The following ATP9B variants were observed in gnomAD, a reference collection of about 807,000 sequenced individuals.
ATP9B encodes the protein ATPase phospholipid transporting 9B, also known as probable phospholipid-transporting ATPase IIB.
In ATP9B, 110 loss-of-function variants were observed where a neutral mutation model predicts 146.1. The ratio of observed to expected loss-of-function variants is 0.75; its 90% confidence interval spans 0.65 to 0.88. The LOEUF (loss-of-function observed/expected upper bound fraction) is 0.88, where lower values mean the gene tolerates loss of function less well. Ranked by LOEUF, ATP9B falls within the 40% of genes least tolerant of loss-of-function variation. The pLI, the probability that ATP9B is intolerant of heterozygous loss-of-function variation, is 0.00. For missense variants in ATP9B, 1,499 were observed against 1,496.4 expected, an observed-to-expected ratio of 1.00 and a Z score of -0.03; for synonymous variants, 604 against 569.7, an observed-to-expected ratio of 1.06 and a Z score of -0.86.
chr18:79,145,064 GCAAGCTGCATGT>G (rs2094563018), intron 6 of ATP9B: 4 of 185,520 alleles, frequency 2.2e-5, no homozygotes, highest in Non-Finnish European at 3.3e-5. Flanking sequence ...GACTGAAGGT[GCAAGCTGCATGT>G]CGGAGCTGGC....
chr18:79,362,174 G>A (rs2096993719), intron 26 of ATP9B: 1 of 152,224 alleles, frequency 6.6e-6, no homozygotes, highest in African/African-American at 2.4e-5. Flanking sequence ...CAATTGGAAA[G>A]AAAATCTCCT....
intron 4 of ATP9B, among the ~76,000 whole-genome samples, chr18:79,114,822 T>G (rs968719209): frequency 2.0e-5 from 3 of 152,280 alleles, no homozygotes; most frequent in Non-Finnish European, 4.4e-5. Context: ...TGCATGCCTG[T>G]GTTGCCTTTT....
intron 5 of ATP9B, among the ~76,000 whole-genome samples, chr18:79,130,316 G>T (rs550777345): frequency 6.6e-6 from 1 of 151,980 alleles, no homozygotes; most frequent in Non-Finnish European, 1.5e-5. Context: ...TAAGTGAAAA[G>T]AACACTCACT....
At position 79,176,841 on chromosome 18, in the gene ATP9B, A is replaced by G. The variant is rs781750341; in HGVS notation, c.807A>G (p.Leu269=). 7 of 1,614,116 alleles carry G rather than the reference A, an allele frequency of 4.3e-6. No homozygotes were observed. The highest frequency in any genetic ancestry group is 1.3e-5 in the African/African-American group (1 of 75,032). The change falls in exon 8 of 30, where the codon CTA becomes CTG. Residue 269 remains leucine (L), a synonymous_variant. Transcript: ENST00000426216. ...CGTGTTTTATTCGAACTGATCAACTAGATGGTGAAACTGACTGGAAGCTGA... is the reference window on the plus strand; with the variant it reads ...CGTGTTTTATTCGAACTGATCAACTGGATGGTGAAACTGACTGGAAGCTGA... ...AGSCFIRTDQ[L]DGETDWKLKV...
intron 8 of ATP9B, among the ~76,000 whole-genome samples, chr18:79,192,192 A>C (rs1353555417): frequency 3.9e-5 from 6 of 151,930 alleles, no homozygotes; most frequent in Non-Finnish European, 8.8e-5. Flanking sequence ...GGTCACCCTA[A>C]TCTCTCACCT....
intron 9 of ATP9B, among the ~76,000 whole-genome samples, chr18:79,199,550 A>C (rs1397003442): frequency 6.6e-6 from 1 of 151,598 alleles, no homozygotes; most frequent in Non-Finnish European, 1.5e-5. Context: ...TCACGAGGTC[A>C]AGAGATTGAG....
At position 79,305,580 on chromosome 18, in the gene ATP9B, C is replaced by T. The variant is rs144811493; in HGVS notation, c.1525-1406C>T. Among the ~76,000 whole-genome samples the T allele has an allele frequency of 5.1e-3, 770 of 151,876 alleles. 8 individuals are homozygous for T. Among genetic ancestry groups the T allele is most frequent in the African/African-American group, 0.018 (733 of 41,356 alleles). Reference sequence around the variant, plus strand: ...AATCTATTTCTGCGTTGAAATAGTACCAGATGAGCTCTGCTTTTTAAAAAA... The same window carrying T: ...AATCTATTTCTGCGTTGAAATAGTATCAGATGAGCTCTGCTTTTTAAAAAA... On this transcript the variant is annotated intron_variant, in intron 14 of 29. Transcript: ENST00000426216.
At chr18:79,250,589 A>C (rs563214007) in intron 11 of ATP9B, among the ~76,000 whole-genome samples, 1 of 152,330 alleles carries the variant, frequency 6.6e-6, no homozygotes, top group South Asian at 2.1e-4. Context: ...TTTTAATCCA[A>C]AAACCTATTT....
chr18:79,107,332 C>G (rs1487055263), intron 2 of ATP9B, among the ~76,000 whole-genome samples: 2 of 152,162 alleles, frequency 1.3e-5, no homozygotes, highest in East Asian at 1.9e-4. Flanking sequence ...GACTGAGGAA[C>G]TGGATGGTAA....
Position 79,180,674 on chromosome 18 carries a change from C to T in ATP9B, c.873+3767C>T, listed in dbSNP as rs146124140. Among the ~76,000 whole-genome samples the T allele has an allele frequency of 1.9e-3, 294 of 152,282 alleles. 1 individual carries two copies. Among genetic ancestry groups the T allele is most frequent in the African/African-American group, 6.8e-3 (282 of 41,566 alleles). Reference sequence around the variant, plus strand: ...CTTTCCTGTGTGTTGATCCAGGTTTCCATTTACTGCCAATTTCCTTTAGCC... The same window carrying T: ...CTTTCCTGTGTGTTGATCCAGGTTTTCATTTACTGCCAATTTCCTTTAGCC... On this transcript the variant is annotated intron_variant, in intron 8 of 29. Coordinates refer to ENST00000426216, the MANE Select transcript of ATP9B (RefSeq NM_198531.5).
At chr18:79,172,441 G>A (rs8084984) in intron 7 of ATP9B, among the ~76,000 whole-genome samples, 1 of 69,798 alleles carries the variant, frequency 1.4e-5, no homozygotes, top group Admixed American at 1.2e-4. Flanking sequence ...GATTACAGGC[G>A]TAGCCACCGT....
intron 27 of ATP9B, among the ~76,000 whole-genome samples, chr18:79,373,398 T>G (rs1340409161): frequency 6.6e-6 from 1 of 152,168 alleles, no homozygotes. Context: ...CATTTCTAAC[T>G]GATGTAGCTA....
Position 79,303,722 on chromosome 18 carries a change from T to C in ATP9B, c.1524+6T>C. On this transcript the variant is annotated splice_donor_region_variant and intron_variant, in intron 14 of 29. Coordinates refer to ENST00000426216, the MANE Select transcript of ATP9B (RefSeq NM_198531.5). The stretch of plus-strand genomic sequence containing the variant: ...TCAGGGACTCCTACTCACAGGTAAG[T>C]GGGTTCCTCCTGCACGGGGTCTGCT... 1 of 1,610,210 alleles carries C rather than the reference T, an allele frequency of 6.2e-7. No homozygotes were observed. Among genetic ancestry groups the C allele is most frequent in the Non-Finnish European group, 8.5e-7 (1 of 1,177,056 alleles).
At chr18:79,337,820 G>A (rs542058301) in intron 19 of ATP9B, among the ~76,000 whole-genome samples, 4 of 152,308 alleles carry the variant, frequency 2.6e-5, no homozygotes, top group South Asian at 2.1e-4. Flanking sequence ...GGCCACCGCC[G>A]GCCAGATGTC....
chr18:79,201,061 G>C (rs1399316124), intron 9 of ATP9B, among the ~76,000 whole-genome samples: 2 of 152,178 alleles, frequency 1.3e-5, no homozygotes, highest in African/African-American at 2.4e-5. Context: ...CTTGTGGGAG[G>C]CTGTGCCACT....
chr18:79,284,102 G>A (rs1367898008), intron 13 of ATP9B, among the ~76,000 whole-genome samples: 3 of 152,138 alleles, frequency 2.0e-5, no homozygotes, highest in African/African-American at 7.2e-5. Context: ...TCACAAGATG[G>A]CATCATCATG....
intron 13 of ATP9B, among the ~76,000 whole-genome samples, chr18:79,300,697 G>A (rs905586717): frequency 6.6e-6 from 1 of 152,202 alleles, no homozygotes; most frequent in Admixed American, 6.5e-5. Context: ...CAAACATACT[G>A]AGCAAGGACT....
At position 79,246,339 on chromosome 18, in the gene ATP9B, C is replaced by T. The variant is rs1212223184; in HGVS notation, c.1108-7042C>T. On this transcript the variant is annotated intron_variant, in intron 11 of 29. Transcript: ENST00000426216. The stretch of plus-strand genomic sequence containing the variant: ...ACTGAGGAGGGCACCGCCCTACTGA[C>T]TGTGCGGAGGGCACCGCCCTACTGA... Among the ~76,000 whole-genome samples, 3 of 137,358 alleles carry T rather than the reference C, an allele frequency of 2.2e-5. No homozygotes were observed. In the East Asian group the frequency reaches 6.3e-4, roughly 29 times the overall value. The allele number at this position is 137,358 out of a possible 152,430, so 90.1% of individuals were successfully genotyped here.
rs529257572 is a variant in ATP9B at position 79,259,880 on chromosome 18, C to A, written c.1268+6339C>A. 4.6e-5 allele frequency among the ~76,000 whole-genome samples: 7 copies of A among 152,316 alleles called. No individual in the cohort carries two copies. In the South Asian group the frequency reaches 1.5e-3, roughly 32 times the overall value. On this transcript the variant is annotated intron_variant, in intron 12 of 29. Coordinates refer to ENST00000426216, the MANE Select transcript of ATP9B (RefSeq NM_198531.5). ...AATTTACCAAACATCTTTAGTAAGACCTCATTTTCCAGGTAGAATGCTTGG... is the reference window on the plus strand; with the variant it reads ...AATTTACCAAACATCTTTAGTAAGAACTCATTTTCCAGGTAGAATGCTTGG...
Sources: gnomAD v4.1 joint callset for allele counts (sites outside exome capture counted in the v4.1 genomes callset) on GRCh38, gnomAD v4.1.1 for gene constraint, MANE v1.5 for transcripts, NCBI Gene and HGNC (gene_info 2026-07-23, HGNC 2026-07-21) for gene names.